The following HYDIN variants were observed in gnomAD, a reference collection of about 807,000 sequenced individuals.
The protein encoded by HYDIN is HYDIN axonemal central pair apparatus protein.
HYDIN carries 132 observed loss-of-function variants against 403.9 expected under a neutral mutation model. The ratio of observed to expected loss-of-function variants is 0.33; its 90% CI spans 0.28 to 0.38. The LOEUF (loss-of-function observed/expected upper bound fraction) is 0.38, where lower values mean the gene tolerates loss of function less well. HYDIN is among the 10% of genes least tolerant of loss of function. The pLI is 1.00. For missense variants in HYDIN, 2,827 were observed against 5,009.5 expected (o/e 0.56, Z 13.15); for synonymous variants, 1,202 against 1,891.7 (o/e 0.64, Z 9.46).
intron 18 of HYDIN, among the ~76,000 whole-genome samples, chr16:71,039,581 C>T (rs1400956014): frequency 2.0e-5 from 3 of 152,090 alleles, no homozygotes; most frequent in Non-Finnish European, 2.9e-5. Context: ...ACTCAGCCAG[C>T]AGAGAGGAGA....
chr16:70,809,874 G>C lies in HYDIN; in HGVS notation c.14792C>G (p.Pro4931Arg), dbSNP rs1490967116. 6.2e-7 allele frequency: 1 copy of C among 1,614,094 alleles called. No individual in the cohort carries two copies. Among genetic ancestry groups the C allele is most frequent in the Non-Finnish European group, 8.5e-7 (1 of 1,180,044 alleles). ...LKATPALPEK[P>R]VHFQTVLGSS... The stretch of plus-strand genomic sequence containing the variant: ...GCCAAGGACAGTCTGGAAGTGAACA[G>C]GCTTTTCCGGAAGTGCTGGCGTGGC... The change falls in exon 85 of 86, where the codon CCT (proline) becomes CGT (arginine). Residue 4931 changes from proline to arginine, a missense_variant. Coordinates refer to ENST00000393567, the MANE Select transcript of HYDIN (RefSeq NM_001270974.2).
chr16:71,219,884 T>C (rs1437149781), intron 1 of HYDIN, among the ~76,000 whole-genome samples: 2 of 152,176 alleles, frequency 1.3e-5, no homozygotes, highest in African/African-American at 2.4e-5. Flanking sequence ...AAACAGATCT[T>C]GGAAGAAATT....
At chr16:71,025,624 C>T (rs1490122121) in intron 20 of HYDIN, 98 bp from the exon 21 acceptor site, 1 of 106,280 alleles carries the variant, frequency 9.4e-6, no homozygotes, top group Admixed American at 1.1e-4. Flanking sequence ...TTTCCGACTA[C>T]CTGCCTGGGG....
chr16:71,171,303 A>G (rs1024934310), intron 5 of HYDIN, among the ~76,000 whole-genome samples: 2 of 152,226 alleles, frequency 1.3e-5, no homozygotes, highest in Admixed American at 1.3e-4. Context: ...TGACTTTCCT[A>G]TCAGAGAAGT....
intron 4 of HYDIN, among the ~76,000 whole-genome samples, chr16:71,178,065 G>A (rs1567413430): frequency 6.6e-6 from 1 of 152,134 alleles, no homozygotes; most frequent in Non-Finnish European, 1.5e-5. Context: ...TTTTTTAGAA[G>A]TGAAAAGAAG....
At chr16:70,824,424 A>G (rs1427137390) in intron 83 of HYDIN, among the ~76,000 whole-genome samples, 13 of 151,262 alleles carry the variant, frequency 8.6e-5, no homozygotes, top group Non-Finnish European at 1.9e-4. Flanking sequence ...TGTTCAGGTC[A>G]TATGAAATAT....
At chr16:71,019,578 C>T (rs1407330324) in intron 22 of HYDIN, among the ~76,000 whole-genome samples, 1 of 152,270 alleles carries the variant, frequency 6.6e-6, no homozygotes, top group Non-Finnish European at 1.5e-5. Context: ...CTCGGTATCG[C>T]CATGCTTGGT....
chr16:71,093,984 C>T, intron 10 of HYDIN, 49 bp from the exon 11 acceptor site: 1 of 1,586,184 alleles, frequency 6.3e-7, no homozygotes, highest in Non-Finnish European at 8.6e-7. Flanking sequence ...TTCATTTACC[C>T]CAAATCATGT....
chr16:71,073,189 A>T (rs2082523398), intron 13 of HYDIN, among the ~76,000 whole-genome samples: 1 of 152,158 alleles, frequency 6.6e-6, no homozygotes, highest in Non-Finnish European at 1.5e-5. Flanking sequence ...ATTTTGTTAG[A>T]TGCCTGACGT....
intron 7 of HYDIN, among the ~76,000 whole-genome samples, chr16:71,151,425 C>G (rs1164002635): frequency 6.6e-6 from 1 of 151,590 alleles, no homozygotes; most frequent in Non-Finnish European, 1.5e-5. Context: ...TGTGCTGCTC[C>G]TTCTCTGGGT....
chr16:71,069,371 T>G lies in HYDIN; in HGVS notation c.1870A>C (p.Arg624=). Residue 624 remains arginine, a synonymous_variant, in exon 14 of 86, where the codon AGA becomes CGA. Coordinates refer to ENST00000393567, the MANE Select transcript of HYDIN (RefSeq NM_001270974.2). Reference sequence around the variant, plus strand: ...ATTTCTTCCTTGGTCCAAGATGGTCTTTTGTAGTCCACATGCTGCTCACAA... The same window carrying G: ...ATTTCTTCCTTGGTCCAAGATGGTCGTTTGTAGTCCACATGCTGCTCACAA... ...SYCEQHVDYK[R]PSWTKEEISS... 1 of 1,614,226 alleles carries G rather than the reference T, an allele frequency of 6.2e-7. No individual in the cohort carries two copies. The highest frequency in any genetic ancestry group is 8.5e-7 in the Non-Finnish European group (1 of 1,180,020).
At chr16:70,892,610 A>G (rs1359445091) in intron 55 of HYDIN, 81 bp from the exon 56 acceptor site, 22 of 1,503,848 alleles carry the variant, frequency 1.5e-5, no homozygotes, top group Non-Finnish European at 2.0e-5. Context: ...TAGATGGTTG[A>G]GTGCCTGCTG....
intron 7 of HYDIN, among the ~76,000 whole-genome samples, chr16:71,148,621 T>A (rs540590669): frequency 5.9e-5 from 9 of 151,808 alleles, no homozygotes; most frequent in African/African-American, 2.2e-4. Context: ...GCTATAAAAT[T>A]AAAATAGATA....
At chr16:70,859,659 A>G (rs1486857046) in intron 71 of HYDIN, among the ~76,000 whole-genome samples, 3 of 152,202 alleles carry the variant, frequency 2.0e-5, no homozygotes, top group Non-Finnish European at 4.4e-5. Context: ...GCCATGGGAC[A>G]TGGCTCCACT....
At chr16:71,073,600 G>A (rs2144318404) in intron 13 of HYDIN, among the ~76,000 whole-genome samples, 1 of 152,032 alleles carries the variant, frequency 6.6e-6, no homozygotes, top group East Asian at 1.9e-4. Flanking sequence ...TAACTTCTCT[G>A]TCCACATTAT....
At chr16:70,890,116 T>C (rs1021541986) in intron 57 of HYDIN, among the ~76,000 whole-genome samples, 3 of 152,254 alleles carry the variant, frequency 2.0e-5, no homozygotes, top group African/African-American at 7.2e-5. Context: ...TTGTGATGTT[T>C]TTAAGGTTTA....
chr16:70,850,598 C>G lies in HYDIN; in HGVS notation c.12501G>C (p.Leu4167Phe), dbSNP rs200269995. 3.7e-5 allele frequency: 59 copies of G among 1,613,928 alleles called. No homozygotes were observed. The Admixed American group carries it at 4.0e-4, about 11-fold the overall frequency. ...GGACTTTCTTTTCCACATTGCAGATCAAATTAAAGTTCACATCTCCTTCCT... is the reference window on the plus strand; with the variant it reads ...GGACTTTCTTTTCCACATTGCAGATGAAATTAAAGTTCACATCTCCTTCCT... ...PKQEGDVNFNLICNVEKKVHP... is the reference protein window; with the variant it reads ...PKQEGDVNFNFICNVEKKVHP... The change falls in exon 74 of 86, where the codon TTG (leucine) becomes TTC (phenylalanine). Residue 4167 changes from leucine to phenylalanine, a missense_variant. Transcript: ENST00000393567.
At chr16:71,189,554 T>G (rs1403442644) in intron 1 of HYDIN, among the ~76,000 whole-genome samples, 2 of 151,932 alleles carry the variant, frequency 1.3e-5, no homozygotes, top group Non-Finnish European at 2.9e-5. Flanking sequence ...GATCACGCGG[T>G]CAGGAGATTG....
At chr16:71,206,098 G>A (rs1318746883) in intron 1 of HYDIN, among the ~76,000 whole-genome samples, 1 of 152,196 alleles carries the variant, frequency 6.6e-6, no homozygotes, top group Non-Finnish European at 1.5e-5. Context: ...CCCATAGCCA[G>A]ATGGGCCACA....
Sources: allele counts gnomAD v4.1 joint callset (sites outside exome capture counted in the v4.1 genomes callset), GRCh38; gene constraint gnomAD v4.1.1; transcripts MANE v1.5; gene names NCBI Gene and HGNC (gene_info 2026-07-23, HGNC 2026-07-21).